Variants in GPC5 observed in about 807,000 individuals in gnomAD.
The protein encoded by GPC5 is glypican 5, also known as glypican-5.
Under a neutral mutation model 53.9 loss-of-function variants are expected in GPC5, and 47 were observed. The ratio of observed to expected loss-of-function variants is 0.87; its 90% CI spans 0.69 to 1.11. The LOEUF (loss-of-function observed/expected upper bound fraction) is 1.11. Ranked by LOEUF, GPC5 falls within the 50% of genes most tolerant of loss-of-function variation. GPC5 has a pLI of 0.00. For missense variants in GPC5, 748 were observed against 713.1 expected, an observed-to-expected ratio of 1.05 and a Z score of -0.56; for synonymous variants, 286 against 263.3, an observed-to-expected ratio of 1.09 and a Z score of -0.84.
chr13:91,822,500 A>G (rs1273831512), intron 5 of GPC5, among the ~76,000 whole-genome samples: 1 of 152,184 alleles, frequency 6.6e-6, no homozygotes, highest in South Asian at 2.1e-4. Flanking sequence ...GAATTTCAAG[A>G]TAATATTAAC....
chr13:91,530,062 C>A (rs1238012567), intron 2 of GPC5, among the ~76,000 whole-genome samples: 5 of 152,178 alleles, frequency 3.3e-5, no homozygotes, highest in Admixed American at 3.3e-4. Context: ...ACAGTCTCTG[C>A]CTTCTCTTTA....
chr13:92,812,687 A>C (rs1319562243), intron 7 of GPC5, among the ~76,000 whole-genome samples: 1 of 151,850 alleles, frequency 6.6e-6, no homozygotes, highest in African/African-American at 2.4e-5. Flanking sequence ...TTCAGATAAC[A>C]TGATCCTATG....
chr13:92,101,210 C>CT (rs200874004), intron 6 of GPC5, among the ~76,000 whole-genome samples: 44 of 151,494 alleles, frequency 2.9e-4, no homozygotes, highest in African/African-American at 8.5e-4. Context: ...TCTTATTTTT[C>CT]TTTTTTTTTC....
chr13:92,325,622 T>C (rs970009368), intron 7 of GPC5, among the ~76,000 whole-genome samples: 7 of 152,086 alleles, frequency 4.6e-5, no homozygotes, highest in African/African-American at 1.7e-4. Context: ...AACAGATGAT[T>C]GGTTGAACAA....
chr13:91,424,053 T>C (rs1421576600), intron 1 of GPC5, among the ~76,000 whole-genome samples: 1 of 152,208 alleles, frequency 6.6e-6, no homozygotes, highest in Non-Finnish European at 1.5e-5. Flanking sequence ...ACAAAGAAGA[T>C]TCCTGATCTC....
At chr13:92,212,179 G>A (rs143492159) in intron 7 of GPC5, among the ~76,000 whole-genome samples, 221 of 152,148 alleles carry the variant, frequency 1.5e-3, no homozygotes, top group African/African-American at 5.0e-3. Flanking sequence ...TAGACAGGAC[G>A]GTGGAGATCA....
At chr13:91,693,089 T>C in intron 2 of GPC5, 98 bp from the exon 3 acceptor site, 1 of 845,056 alleles carries the variant, frequency 1.2e-6, no homozygotes, top group Non-Finnish European at 1.9e-6. Context: ...TTTAGATACT[T>C]AGATTAGTTT....
At chr13:92,313,623 A>C (rs1054349183) in intron 7 of GPC5, among the ~76,000 whole-genome samples, 1 of 152,294 alleles carries the variant, frequency 6.6e-6, no homozygotes, top group African/African-American at 2.4e-5. Flanking sequence ...GTTTTGCCTG[A>C]GCAATGTGAC....
chr13:91,726,083 C>T (rs2036570678), intron 3 of GPC5, among the ~76,000 whole-genome samples: 1 of 152,192 alleles, frequency 6.6e-6, no homozygotes, highest in Admixed American at 6.5e-5. Context: ...ATACTTTCCT[C>T]ATTTTTGTGA....
intron 6 of GPC5, among the ~76,000 whole-genome samples, chr13:92,089,509 T>C (rs1375086322): frequency 6.6e-6 from 1 of 152,172 alleles, no homozygotes; most frequent in Non-Finnish European, 1.5e-5. Context: ...ACACGGTTTT[T>C]TTACATATTT....
intron 7 of GPC5, among the ~76,000 whole-genome samples, chr13:92,167,455 T>TA (rs140416076): frequency 0.013 from 1,934 of 152,192 alleles, 56 homozygotes; most frequent in African/African-American, 0.043. Flanking sequence ...ATTGAAGCTG[T>TA]AAAAAATAGA....
chr13:92,003,137 C>T (rs915057072), intron 6 of GPC5, among the ~76,000 whole-genome samples: 1 of 151,772 alleles, frequency 6.6e-6, no homozygotes, highest in Admixed American at 6.6e-5. Context: ...ATGACAAAAC[C>T]CCGTCTCTAC....
chr13:92,514,959 G>A (rs1594265796), intron 7 of GPC5, among the ~76,000 whole-genome samples: 1 of 152,234 alleles, frequency 6.6e-6, no homozygotes, highest in African/African-American at 2.4e-5. Context: ...GTGACTGGCA[G>A]ACTCCACAGA....
intron 2 of GPC5, among the ~76,000 whole-genome samples, chr13:91,514,359 C>G (rs1280807490): frequency 1.3e-5 from 2 of 152,150 alleles, no homozygotes; most frequent in African/African-American, 4.8e-5. Context: ...ACAGTGCTAT[C>G]TCATGTGTTT....
intron 7 of GPC5, among the ~76,000 whole-genome samples, chr13:92,201,247 A>T (rs1593989385): frequency 1.3e-5 from 2 of 152,194 alleles, no homozygotes; most frequent in East Asian, 3.9e-4. Context: ...AACTTTACAT[A>T]AAATGATGGA....
chr13:92,759,926 G>T (rs1022856203), intron 7 of GPC5, among the ~76,000 whole-genome samples: 1 of 152,000 alleles, frequency 6.6e-6, no homozygotes, highest in Non-Finnish European at 1.5e-5. Context: ...ATCAAGAAAG[G>T]ATGTCAAACT....
intron 7 of GPC5, among the ~76,000 whole-genome samples, chr13:92,506,701 C>A (rs998257936): frequency 1.3e-5 from 2 of 152,138 alleles, no homozygotes; most frequent in Non-Finnish European, 2.9e-5. Flanking sequence ...ACGTAGGAAG[C>A]TCTTCTACTT....
intron 7 of GPC5, among the ~76,000 whole-genome samples, chr13:92,380,915 A>AG (rs1232783311): frequency 1.3e-5 from 2 of 151,018 alleles, no homozygotes; most frequent in Non-Finnish European, 3.0e-5. Context: ...TAATAATAAA[A>AG]GAAAAAAAAG....
At chr13:91,842,704 CAAAAAAAAA>C (rs58660493) in intron 5 of GPC5, among the ~76,000 whole-genome samples, 1 of 58,838 alleles carries the variant, frequency 1.7e-5, no homozygotes, top group Non-Finnish European at 2.9e-5. Flanking sequence ...GACTCCGTCT[CAAAAAAAAA>C]AAAAAAAAAA....
Sources: allele counts gnomAD v4.1 joint callset (sites outside exome capture counted in the v4.1 genomes callset), GRCh38; gene constraint gnomAD v4.1.1; transcripts MANE v1.5; gene names NCBI Gene and HGNC (gene_info 2026-07-23, HGNC 2026-07-21).